The following ZC3H12B variants were observed in gnomAD, a reference collection of about 807,000 sequenced individuals.
The protein encoded by ZC3H12B is probable ribonuclease ZC3H12B.
In ZC3H12B, 7 loss-of-function variants were observed where a neutral mutation model predicts 43.9. That is an observed-to-expected ratio of 0.16 (90% CI 0.09 to 0.30). The LOEUF (loss-of-function observed/expected upper bound fraction) is 0.30. Ranked by LOEUF, ZC3H12B falls within the 10% of genes least tolerant of loss-of-function variation. The pLI is 1.00. For missense variants in ZC3H12B, 475 were observed against 670.2 expected, an observed-to-expected ratio of 0.71 and a Z score of 3.22; for synonymous variants, 222 against 241.7, an observed-to-expected ratio of 0.92 and a Z score of 0.76.
the ZC3H12B span, among the ~76,000 whole-genome samples, chrX:65,146,793 CAG>C: frequency 3.6e-5 from 4 of 111,845 alleles, no homozygotes; most frequent in Non-Finnish European, 7.5e-5. Context: ...ACTTTCTTCA[CAG>C]AGTCCTATGA....
chrX:65,241,843 C>G, the ZC3H12B span, among the ~76,000 whole-genome samples: 11 of 111,556 alleles, frequency 9.9e-5, no homozygotes, highest in Admixed American at 1.0e-3. Context: ...GGATTCAGCC[C>G]TTTTTTCGGT....
At chrX:65,351,485 A>G in the ZC3H12B span, among the ~76,000 whole-genome samples, 1 of 112,516 alleles carries the variant, frequency 8.9e-6, no homozygotes, top group African/African-American at 3.2e-5. Flanking sequence ...ATTAAACTAA[A>G]GAGCTTCTGC....
chrX:65,325,834 G>T, the ZC3H12B span, among the ~76,000 whole-genome samples: 19 of 111,005 alleles, frequency 1.7e-4, no homozygotes, highest in South Asian at 3.7e-4. Flanking sequence ...CATGGAACTG[G>T]AATAAAAATA....
chrX:65,268,325 A>G, the ZC3H12B span, among the ~76,000 whole-genome samples: 3 of 111,950 alleles, frequency 2.7e-5, no homozygotes, highest in Non-Finnish European at 5.6e-5. Flanking sequence ...ATTCTACCAA[A>G]TGTTCAAAGA....
intron 2 of ZC3H12B, among the ~76,000 whole-genome samples, chrX:65,391,703 A>G (rs143454241): frequency 8.7e-4 from 97 of 111,112 alleles, no homozygotes; most frequent in African/African-American, 3.0e-3. Flanking sequence ...CTGAAAAAGC[A>G]TTTGATAAAA....
At chrX:65,251,299 C>G in the ZC3H12B span, among the ~76,000 whole-genome samples, 6 of 111,370 alleles carry the variant, frequency 5.4e-5, no homozygotes, top group African/African-American at 2.0e-4. Context: ...TGGTCTATAT[C>G]TCTGTTTTGG....
chrX:65,314,768 G>GTA, the ZC3H12B span, among the ~76,000 whole-genome samples: 14 of 110,429 alleles, frequency 1.3e-4, no homozygotes, highest in South Asian at 3.7e-4. Context: ...TTTCCTTAGT[G>GTA]TATATATATA....
At chrX:65,169,096 T>A in the ZC3H12B span, among the ~76,000 whole-genome samples, 2 of 111,735 alleles carry the variant, frequency 1.8e-5, no homozygotes, top group African/African-American at 6.5e-5. Context: ...TGTTTGCTCT[T>A]GCTTCTCTGG....
the ZC3H12B span, among the ~76,000 whole-genome samples, chrX:65,068,641 TAA>T: frequency 2.7e-5 from 3 of 111,981 alleles, no homozygotes; most frequent in Non-Finnish European, 5.6e-5. Flanking sequence ...CTACTTAATA[TAA>T]GAGTAGTTTA....
chrX:65,282,285 C>CA, the ZC3H12B span, among the ~76,000 whole-genome samples: 4 of 107,525 alleles, frequency 3.7e-5, no homozygotes, highest in African/African-American at 1.0e-4. Context: ...TCTCATCTCT[C>CA]AAAAAAAAGA....
the ZC3H12B span, among the ~76,000 whole-genome samples, chrX:65,180,749 C>A: frequency 3.6e-5 from 4 of 110,226 alleles, no homozygotes; most frequent in African/African-American, 1.3e-4. Context: ...AAACACTGCT[C>A]AAGGAAATAA....
the ZC3H12B span, among the ~76,000 whole-genome samples, chrX:65,230,366 A>G: frequency 2.8e-5 from 3 of 107,937 alleles, no homozygotes; most frequent in African/African-American, 1.0e-4. Flanking sequence ...GGGGAACATC[A>G]CACTCTGGGG....
the ZC3H12B span, among the ~76,000 whole-genome samples, chrX:65,203,557 G>A: frequency 9.1e-6 from 1 of 109,819 alleles, no homozygotes; most frequent in Non-Finnish European, 1.9e-5. Flanking sequence ...GGAGCCTCAA[G>A]TCTCTACCTG....
the ZC3H12B span, among the ~76,000 whole-genome samples, chrX:65,266,765 A>G: frequency 9.0e-6 from 1 of 111,344 alleles, no homozygotes; most frequent in South Asian, 3.7e-4. Flanking sequence ...CTACTTGACC[A>G]GTGCAAGGGT....
At chrX:65,221,406 G>A in the ZC3H12B span, among the ~76,000 whole-genome samples, 1 of 111,532 alleles carries the variant, frequency 9.0e-6, no homozygotes, top group East Asian at 2.8e-4. Context: ...AAAACAAAAA[G>A]CTGGTTCTTA....
chrX:65,235,137 T>C, the ZC3H12B span, among the ~76,000 whole-genome samples: 1 of 111,978 alleles, frequency 8.9e-6, no homozygotes, highest in Admixed American at 9.5e-5. Context: ...TTTTTGTGAA[T>C]AGTGCTGCAA....
At chrX:65,341,295 C>A in the ZC3H12B span, among the ~76,000 whole-genome samples, 2 of 112,124 alleles carry the variant, frequency 1.8e-5, no homozygotes, top group Non-Finnish European at 3.8e-5. Flanking sequence ...TTCAGAATAT[C>A]ATCCATGAGA....
the ZC3H12B span, among the ~76,000 whole-genome samples, chrX:65,214,358 C>A: frequency 8.9e-6 from 1 of 111,911 alleles, no homozygotes; most frequent in Non-Finnish European, 1.9e-5. Flanking sequence ...AAATTAGAGT[C>A]AATCCTCTAA....
At chrX:65,258,781 G>A in the ZC3H12B span, among the ~76,000 whole-genome samples, 397 of 111,363 alleles carry the variant, frequency 3.6e-3, no homozygotes, top group African/African-American at 0.012. Context: ...CAATATGCAA[G>A]ATGAGAATCA....
Sources: gnomAD v4.1 joint callset for allele counts (sites outside exome capture counted in the v4.1 genomes callset) on GRCh38, gnomAD v4.1.1 for gene constraint, MANE v1.5 for transcripts, NCBI Gene and HGNC (gene_info 2026-07-23, HGNC 2026-07-21) for gene names.